Variants in CRAMP1 observed in about 807,000 individuals in gnomAD.
CRAMP1 encodes cramped chromatin regulator 1, also known as protein cramped-like.
A neutral mutation model predicts 115.4 loss-of-function variants in CRAMP1; 50 were observed. That is an observed-to-expected ratio of 0.43 (90% CI 0.35 to 0.55). The LOEUF (loss-of-function observed/expected upper bound fraction) is 0.55. Ranked by LOEUF, CRAMP1 falls within the 20% of genes least tolerant of loss-of-function variation. The pLI is 0.01. For missense variants in CRAMP1, 1,679 were observed against 1,721.7 expected, an observed-to-expected ratio of 0.98 and a Z score of 0.44; for synonymous variants, 866 against 745.4, an observed-to-expected ratio of 1.16 and a Z score of -2.64.
chr16:1,636,187 G>A (rs2036587201), intron 4 of CRAMP1, among the ~76,000 whole-genome samples: 1 of 152,070 alleles, frequency 6.6e-6, no homozygotes, highest in African/African-American at 2.4e-5. Flanking sequence ...CCTGACTAAC[G>A]TGGTGAAACC....
At chr16:1,659,769 G>A (rs1361629027) in intron 10 of CRAMP1, 117 bp from the exon 11 acceptor site, 14 of 1,015,424 alleles carry the variant, frequency 1.4e-5, no homozygotes, top group South Asian at 5.4e-5. Context: ...GGCCTTTGCC[G>A]TCATGACACT....
At chr16:1,638,822 C>T (rs1356691857) in intron 5 of CRAMP1, among the ~76,000 whole-genome samples, 2 of 151,944 alleles carry the variant, frequency 1.3e-5, no homozygotes, top group African/African-American at 2.4e-5. Flanking sequence ...GCTGCCCCTC[C>T]ATGCCTTGCT....
At chr16:1,617,953 C>T (rs2036434532) in intron 2 of CRAMP1, among the ~76,000 whole-genome samples, 1 of 152,166 alleles carries the variant, frequency 6.6e-6, no homozygotes, top group African/African-American at 2.4e-5. Flanking sequence ...ACATGCTCAA[C>T]CTAAACTCAA....
chr16:1,655,195 TC>T (rs542235808), intron 8 of CRAMP1, 23 bp from the exon 9 acceptor site: 20,980 of 1,600,232 alleles, frequency 0.013, 176 homozygotes, highest in Middle Eastern at 0.022. Flanking sequence ...GAACCTCACT[TC>T]CTCCTGTCTG....
At chr16:1,664,184 A>G (rs1333018801) in intron 13 of CRAMP1, among the ~76,000 whole-genome samples, 1 of 152,170 alleles carries the variant, frequency 6.6e-6, no homozygotes, top group Non-Finnish European at 1.5e-5. Flanking sequence ...TTTTTTGTTC[A>G]TGTTTTATCT....
Position 1,654,882 on chromosome 16 carries a change from C to T in CRAMP1, c.1038-337C>T, listed in dbSNP as rs185084868. Among the ~76,000 whole-genome samples the T allele has an allele frequency of 9.2e-5, 14 of 152,372 alleles. No individual in the cohort carries two copies. In the East Asian group the frequency reaches 1.9e-3, roughly 21 times the overall value. ...AGAATGTATTAACACTGTCCAGGCC[C>T]GCCCGCCCTTGAAGCCAGAAGGAGC... On this transcript the variant is annotated intron_variant, in intron 8 of 20. Coordinates refer to ENST00000397412, the MANE Select transcript of CRAMP1 (RefSeq NM_020825.4).
At chr16:1,670,874 C>A in intron 20 of CRAMP1, 65 bp downstream of exon 20, 1 of 1,510,890 alleles carries the variant, frequency 6.6e-7, no homozygotes, top group Non-Finnish European at 9.1e-7. Context: ...TGCCAGCACT[C>A]TCCTGCACAC....
chr16:1,637,315 A>C (rs1295831372), intron 4 of CRAMP1, among the ~76,000 whole-genome samples: 1 of 151,972 alleles, frequency 6.6e-6, no homozygotes, highest in African/African-American at 2.4e-5. Flanking sequence ...AAAAAAAAAA[A>C]ACAGGGCCTC....
At position 1,614,091 on chromosome 16, in the gene CRAMP1, G is replaced by A. The variant is rs2036392706; in HGVS notation, c.-1-548G>A. On this transcript the variant is annotated intron_variant, in intron 1 of 20. Transcript: ENST00000397412. The surrounding 1 kb of genome is among the most constrained non-coding windows in gnomAD (Gnocchi z 4.4). ...CCGGCGCGTGGGGCAGGTGCGCGGG[G>A]CCCGGGAGCCCCGCGCCTTTCGGGG... 9.5e-6 allele frequency among the ~76,000 whole-genome samples: 1 copy of A among 104,910 alleles called. No individual in the cohort carries two copies. The highest frequency in any genetic ancestry group is 3.5e-4 in the South Asian group (1 of 2,874). 68.8% of individuals were successfully genotyped at this position (104,910 alleles called of 152,430 possible).
chr16:1,613,109 C>T (rs1267458793), intron 1 of CRAMP1, among the ~76,000 whole-genome samples: 3 of 151,998 alleles, frequency 2.0e-5, no homozygotes, highest in East Asian at 3.9e-4. Flanking sequence ...GGTTCTCAGC[C>T]CGAGACGAGG....
intron 5 of CRAMP1, among the ~76,000 whole-genome samples, chr16:1,638,246 T>A (rs929529180): frequency 6.6e-6 from 1 of 152,224 alleles, no homozygotes; most frequent in African/African-American, 2.4e-5. Flanking sequence ...CTATATAGCC[T>A]TGATACCATG....
rs182744649 is a variant in CRAMP1, at chr16:1,633,105, C to T, written c.694+740C>T. 3.7e-3 allele frequency among the ~76,000 whole-genome samples: 566 copies of T among 152,384 alleles called. 2 individuals carry two copies. Among genetic ancestry groups the T allele is most frequent in the Middle Eastern group, 6.8e-3 (2 of 294 alleles). On this transcript the variant is annotated intron_variant, in intron 4 of 20. Coordinates refer to ENST00000397412, the MANE Select transcript of CRAMP1 (RefSeq NM_020825.4). Reference sequence around the variant, plus strand: ...TCTGAGCCTTCTTTCAGATGTCTCACATTCTGACCCAGGGTACCTGGACTG... The same window carrying T: ...TCTGAGCCTTCTTTCAGATGTCTCATATTCTGACCCAGGGTACCTGGACTG...
intron 11 of CRAMP1, among the ~76,000 whole-genome samples, chr16:1,660,749 G>A (rs181276075): frequency 9.3e-4 from 141 of 152,298 alleles, no homozygotes; most frequent in Admixed American, 2.7e-3. Flanking sequence ...GCTGATGCCT[G>A]TAATCCCAGC....
rs1013780128 is a variant in CRAMP1 at position 1,626,163 on chromosome 16, C to T, written c.537C>T (p.Tyr179=). The change falls in exon 3 of 21, where the codon TAC becomes TAT. Residue 179 remains tyrosine (Y), a synonymous_variant. Transcript: ENST00000397412. ...EDKNTFFEGL[Y]EHGKDFEAIQ... ...AGAACACCTTCTTCGAGGGGCTGTA[C>T]GAGGTGAGTAGGCTGTGGAGGCACG... 3.2e-5 allele frequency: 48 copies of T among 1,506,676 alleles called. No homozygotes were observed. The East Asian group carries it at 9.6e-4, about 30-fold the overall frequency. The allele number at this position is 1,506,676 out of a possible 1,614,324, so 93.3% of individuals were successfully genotyped here. A position where few individuals can be genotyped will look rare whatever the true frequency, so the allele number is the denominator to read the frequency against.
intron 2 of CRAMP1, among the ~76,000 whole-genome samples, chr16:1,619,522 G>A (rs1440257254): frequency 6.6e-6 from 1 of 152,092 alleles, no homozygotes; most frequent in Non-Finnish European, 1.5e-5. Flanking sequence ...TAGAAACACT[G>A]AAAAAAGGAG....
At position 1,632,179 on chromosome 16, in the gene CRAMP1, C is replaced by G. The variant is rs543999188; in HGVS notation, c.541-33C>G. The G allele has an allele frequency of 2.0e-4, 313 of 1,544,554 alleles. 4 individuals are homozygous for G. Among genetic ancestry groups the G allele is most frequent in the Middle Eastern group, 1.5e-3 (9 of 5,946 alleles). The stretch of plus-strand genomic sequence containing the variant: ...ACACAGAAAGCTGCATTGTTTTAAC[C>G]CCTCTACATTTATCATGGAATTTAT... On this transcript the variant is annotated intron_variant, in intron 3 of 20. Coordinates refer to ENST00000397412, the MANE Select transcript of CRAMP1 (RefSeq NM_020825.4).
At chr16:1,660,111 C>T in intron 11 of CRAMP1, 48 bp downstream of exon 11, 1 of 1,442,948 alleles carries the variant, frequency 6.9e-7, no homozygotes, top group Non-Finnish European at 9.1e-7. Flanking sequence ...GCCCTGATGG[C>T]ACCTCAGGCT....
intron 4 of CRAMP1, among the ~76,000 whole-genome samples, chr16:1,633,706 C>T (rs2142179535): frequency 6.6e-6 from 1 of 152,342 alleles, no homozygotes; most frequent in Non-Finnish European, 1.5e-5. Context: ...GAGTGGCACG[C>T]AGCACCGACT....
intron 2 of CRAMP1, among the ~76,000 whole-genome samples, chr16:1,615,888 T>C (rs1220942162): frequency 1.3e-5 from 2 of 152,196 alleles, no homozygotes. Flanking sequence ...CTTCCTTCCT[T>C]GGGAAATGCT....
Sources: allele counts gnomAD v4.1 joint callset (sites outside exome capture counted in the v4.1 genomes callset), GRCh38; gene constraint gnomAD v4.1.1; non-coding constraint Gnocchi (gnomAD v3.1); transcripts MANE v1.5; gene names NCBI Gene and HGNC (gene_info 2026-07-23, HGNC 2026-07-21).